The following LSM1 variants were observed in gnomAD, a reference collection of about 807,000 sequenced individuals.
LSM1 encodes the protein U6 snRNA-associated Sm-like protein LSm1.
LSM1 carries 13 observed loss-of-function variants against 18.0 expected under a neutral mutation model. The observed-to-expected ratio is 0.72, with a 90% confidence interval of 0.47 to 1.15. LSM1 has a LOEUF of 1.15. Among genes scored for constraint, LSM1 ranks in the 50% most tolerant of loss-of-function variants. The pLI, the probability that LSM1 is intolerant of heterozygous loss-of-function variation, is 0.00. For synonymous variants in LSM1, 46 were observed against 56.0 expected, an observed-to-expected ratio of 0.82 and a Z score of 0.80; for missense variants, 152 against 157.7, an observed-to-expected ratio of 0.96 and a Z score of 0.19.
chr8:38,163,515 C>A lies in LSM1; in HGVS notation c.*155G>T. The A allele has an allele frequency of 1.6e-6, 1 of 624,368 alleles. No individual in the cohort carries two copies. 38.7% of individuals were successfully genotyped at this position (624,368 alleles called of 1,614,324 possible). ...TTATTAAAAAAAAAACCCACCTACA[C>A]GATTTCTTCATGTTGCATATGTAAA... is the stretch of plus-strand genomic sequence containing the variant. On this transcript the variant is annotated 3_prime_UTR_variant, in exon 4 of 4. Coordinates refer to ENST00000311351, the MANE Select transcript of LSM1 (RefSeq NM_014462.3).
chr8:38,174,574 A>G (rs1803084499), intron 1 of LSM1, among the ~76,000 whole-genome samples: 1 of 152,142 alleles, frequency 6.6e-6, no homozygotes, highest in Non-Finnish European at 1.5e-5. Flanking sequence ...AGGATGTGTT[A>G]GAGGATATAT....
At chr8:38,169,599 A>G (rs1802990819) in intron 3 of LSM1, among the ~76,000 whole-genome samples, 1 of 152,254 alleles carries the variant, frequency 6.6e-6, no homozygotes, top group African/African-American at 2.4e-5. Flanking sequence ...ATTTTCTGCT[A>G]TTAAACAAAT....
intron 3 of LSM1, among the ~76,000 whole-genome samples, chr8:38,168,481 C>T (rs1182130136): frequency 6.6e-6 from 1 of 150,900 alleles, no homozygotes; most frequent in Non-Finnish European, 1.5e-5. Flanking sequence ...ATCCCAGCTA[C>T]TCGGGAGGCT....
chr8:38,176,507 T>C, upstream of LSM1: 3 of 584,528 alleles, frequency 5.1e-6, no homozygotes, highest in Non-Finnish European at 9.1e-6. Context: ...CTTACCCACT[T>C]CCTGTAACAC....
In LSM1 at chr8:38,164,149, G is replaced by A. The variant is rs1341249146; in HGVS notation, c.232-309C>T. Among the ~76,000 whole-genome samples, 3 of 152,096 alleles carry A rather than the reference G, an allele frequency of 2.0e-5. No individual in the cohort carries two copies. The South Asian group carries it at 6.2e-4, about 31-fold the overall frequency. ...AGCTCACTGCAACCTCTACCTCCTG[G>A]GTTCAAGCGATTATCCTGCCTCAGC... On this transcript the variant is annotated intron_variant, in intron 3 of 3. Coordinates refer to ENST00000311351, the MANE Select transcript of LSM1 (RefSeq NM_014462.3).
chr8:38,176,655 C>G, upstream of LSM1: 1 of 582,526 alleles, frequency 1.7e-6, no homozygotes, highest in South Asian at 2.6e-5. Flanking sequence ...AACACGGTGT[C>G]TTCCTTCGTC....
chr8:38,168,208 G>A lies in LSM1; in HGVS notation c.231+1594C>T, dbSNP rs554051087. ...GATCTCCTGACCTTGTGATCCGCCC[G>A]CCTCAGCCTCCCGAAGTGCTGGGAT... On this transcript the variant is annotated intron_variant, in intron 3 of 3. Transcript: ENST00000311351. Among the ~76,000 whole-genome samples the A allele has an allele frequency of 4.4e-4, 67 of 151,546 alleles. 1 individual carries two copies. The highest frequency in any genetic ancestry group is 6.9e-3 in the Middle Eastern group (2 of 290).
Position 38,163,734 on chromosome 8 carries a change from T to C in LSM1, c.338A>G (p.Lys113Arg). 6.2e-7 allele frequency: 1 copy of C among 1,614,138 alleles called. No individual in the cohort carries two copies. Among genetic ancestry groups the C allele is most frequent in the Non-Finnish European group, 8.5e-7 (1 of 1,180,018 alleles). The change falls in exon 4 of 4, where the codon AAA becomes AGA. Residue 113 changes from lysine to arginine, a missense_variant. Physicochemically the swap from Lys to Arg is conservative, Grantham distance 26. Coordinates refer to ENST00000311351, the MANE Select transcript of LSM1 (RefSeq NM_014462.3). The stretch of plus-strand genomic sequence containing the variant: ...ACCTCGGTCCTTCAGGGCCTGCACT[T>C]TCAACTTCTCTGCTTCCAGCTTGGT... ...QQTKLEAEKLKVQALKDRGLS... is the reference protein window; with the variant it reads ...QQTKLEAEKLRVQALKDRGLS...
rs397892600 is a variant in LSM1, at chr8:38,163,494, T to TA, written c.*175dup. The TA allele has an allele frequency of 0.033, 15,493 of 466,606 alleles. 51 individuals are homozygous for TA. Among genetic ancestry groups the TA allele is most frequent in the South Asian group, 0.056 (1,645 of 29,150 alleles). 28.9% of individuals were successfully genotyped at this position (466,606 alleles called of 1,614,324 possible). A position where few individuals can be genotyped will look rare whatever the true frequency, so the allele number is the denominator to read the frequency against. On this transcript the variant is annotated 3_prime_UTR_variant, in exon 4 of 4. Coordinates refer to ENST00000311351, the MANE Select transcript of LSM1 (RefSeq NM_014462.3). ...TTTCTTTAAACAGTGATTTTGTTATTAAAAAAAAAACCCACCTACACGATT... is the reference window on the plus strand; with the variant it reads ...TTTCTTTAAACAGTGATTTTGTTATTAAAAAAAAAAACCCACCTACACGATT...
intron 3 of LSM1, among the ~76,000 whole-genome samples, chr8:38,164,459 C>CT (rs1413641654): frequency 8.6e-5 from 13 of 151,492 alleles, no homozygotes; most frequent in African/African-American, 2.9e-4. Context: ...AGACAGCTAT[C>CT]TCCCCCACTG....
In LSM1 at chr8:38,171,962, T is replaced by C; in HGVS notation, c.115+3A>G. 3 of 1,599,670 alleles carry C rather than the reference T, an allele frequency of 1.9e-6. No homozygotes were observed. Among genetic ancestry groups the C allele is most frequent in the South Asian group, 1.1e-5 (1 of 90,088 alleles). ...TAAGAGATGTCCATAAATTAATACA[T>C]ACCAAATTGATCAATGCTTCTTAAA... On this transcript the variant is annotated splice_donor_region_variant and intron_variant, in intron 2 of 3. Coordinates refer to ENST00000311351, the MANE Select transcript of LSM1 (RefSeq NM_014462.3).
intron 3 of LSM1, among the ~76,000 whole-genome samples, chr8:38,166,612 C>T (rs1226521684): frequency 6.6e-6 from 1 of 152,196 alleles, no homozygotes; most frequent in African/African-American, 2.4e-5. Context: ...GGTACTGACA[C>T]ACTTCTCCAG....
chr8:38,174,851 C>T (rs548098899), intron 1 of LSM1, among the ~76,000 whole-genome samples: 131 of 151,692 alleles, frequency 8.6e-4, no homozygotes, highest in Non-Finnish European at 1.7e-3. Context: ...GGCGAAACCT[C>T]GTCTCTACCA....
intron 1 of LSM1, among the ~76,000 whole-genome samples, chr8:38,173,726 T>A (rs1803068441): frequency 2.0e-5 from 3 of 152,206 alleles, no homozygotes; most frequent in African/African-American, 7.2e-5. Context: ...TCTAAAGTGC[T>A]ATCAGGACAC....
At chr8:38,171,048 G>A (rs1390070688) in intron 2 of LSM1, 2 of 419,860 alleles carry the variant, frequency 4.8e-6, no homozygotes, top group South Asian at 3.4e-5. Flanking sequence ...TTTAACTTAA[G>A]AAAAATGCAG....
At chr8:38,164,676 A>C (rs1233032027) in intron 3 of LSM1, among the ~76,000 whole-genome samples, 1 of 151,298 alleles carries the variant, frequency 6.6e-6, no homozygotes, top group African/African-American at 2.4e-5. Context: ...AAAACAAAAC[A>C]AAAAAAAGCT....
intron 3 of LSM1, among the ~76,000 whole-genome samples, chr8:38,167,075 C>A (rs1408670912): frequency 6.6e-6 from 1 of 152,158 alleles, no homozygotes; most frequent in Non-Finnish European, 1.5e-5. Flanking sequence ...ATTGCTGATT[C>A]ACATAACAAT....
intron 1 of LSM1, among the ~76,000 whole-genome samples, chr8:38,172,303 G>GA (rs1411096235): frequency 3.5e-5 from 5 of 140,852 alleles, no homozygotes; most frequent in Non-Finnish European, 7.8e-5. Flanking sequence ...CCTTATGTTG[G>GA]TTTTTTTTTT....
chr8:38,164,468 T>C (rs1353129430), intron 3 of LSM1, among the ~76,000 whole-genome samples: 2 of 151,750 alleles, frequency 1.3e-5, no homozygotes, highest in African/African-American at 4.8e-5. Context: ...TCTCCCCCAC[T>C]GCAGAGAATC....
Sources: allele counts gnomAD v4.1 joint callset (sites outside exome capture counted in the v4.1 genomes callset), GRCh38; gene constraint gnomAD v4.1.1; transcripts MANE v1.5; gene names NCBI Gene and HGNC (gene_info 2026-07-23, HGNC 2026-07-21).